Variants in STRIP1 observed in about 807,000 individuals in gnomAD.
STRIP1 encodes the protein striatin-interacting protein 1.
Under a neutral mutation model 106.2 loss-of-function variants are expected in STRIP1, and 63 were observed. The ratio of observed to expected loss-of-function variants is 0.59; its 90% confidence interval spans 0.48 to 0.73. The LOEUF (loss-of-function observed/expected upper bound fraction) is 0.73, where lower values mean the gene tolerates loss of function less well. Among genes scored for constraint, STRIP1 ranks in the 30% least tolerant of loss-of-function variants. STRIP1 has a pLI of 0.00. For missense variants in STRIP1, 857 were observed against 1,074.8 expected, an observed-to-expected ratio of 0.80 and a Z score of 2.83; for synonymous variants, 390 against 413.0, an observed-to-expected ratio of 0.94 and a Z score of 0.67.
intron 15 of STRIP1, 152 bp downstream of exon 15, chr1:110,048,021 A>G: frequency 1.5e-6 from 1 of 660,118 alleles, no homozygotes; most frequent in Admixed American, 2.6e-5. Context: ...ACGAGATTAA[A>G]GAGTTTCACT....
chr1:110,041,660 C>G lies in STRIP1; in HGVS notation c.757+18C>G. ...CGAGCTGGGTAGGACCCTGGGGATC[C>G]TCTCTAGAGGCCCTGCCTGGAAGCT... On this transcript the variant is annotated intron_variant, in intron 7 of 20. Coordinates refer to ENST00000369795, the MANE Select transcript of STRIP1 (RefSeq NM_033088.4). 1 of 1,614,164 alleles carries G rather than the reference C, an allele frequency of 6.2e-7. No homozygotes were observed. Among genetic ancestry groups the G allele is most frequent in the South Asian group, 1.1e-5 (1 of 91,076 alleles).
At chr1:110,046,369 G>A (rs886874702) in intron 12 of STRIP1, among the ~76,000 whole-genome samples, 1 of 152,120 alleles carries the variant, frequency 6.6e-6, no homozygotes. Flanking sequence ...GTGTGGTGGT[G>A]CACACCTGTA....
Position 110,041,857 on chromosome 1 carries a change from T to C in STRIP1, c.881T>C (p.Val294Ala). 6.2e-7 allele frequency: 1 copy of C among 1,614,072 alleles called. No individual in the cohort carries two copies. The highest frequency in any genetic ancestry group is 8.5e-7 in the Non-Finnish European group (1 of 1,179,990). Residue 294 changes from valine (V) to alanine (A), a missense_variant, in exon 8 of 21, where the codon GTA becomes GCA. This residue lies in a region of STRIP1 where 750 missense variants were observed against 989.8 expected (regional missense o/e 0.76). Transcript: ENST00000369795. ...KKVLLLLWKT[V>A]LCTLGGFEEL... The stretch of plus-strand genomic sequence containing the variant: ...GTTCTCTTGCTGCTCTGGAAGACAG[T>C]ATTGGTGAGCACCTCCTTGGAGGAG...
chr1:110,039,798 C>T, intron 5 of STRIP1: 1 of 1,343,938 alleles, frequency 7.4e-7, no homozygotes, highest in Non-Finnish European at 9.8e-7. Flanking sequence ...AGACTCTTCA[C>T]TTTGAGCTCT....
rs909954074 is a variant in STRIP1 at position 110,043,158 on chromosome 1, C to A, written c.956C>A (p.Pro319Gln). The A allele has an allele frequency of 3.7e-6, 6 of 1,614,050 alleles. No individual in the cohort carries two copies. Among genetic ancestry groups the A allele is most frequent in the South Asian group, 2.2e-5 (2 of 91,080 alleles). Reference protein sequence around the residue: ...AEKRSILGLPPLPEDSIKVIR... With the variant: ...AEKRSILGLPQLPEDSIKVIR... ...AAGCGCAGCATCCTGGGCCTCCCCC[C>A]GCTTCCTGAGGACAGCATCAAAGTG... Residue 319 changes from proline (P) to glutamine (Q), a missense_variant, in exon 9 of 21, where the codon CCG becomes CAG. Physicochemically the swap from Pro to Gln is moderately conservative, Grantham distance 76. Coordinates refer to ENST00000369795, the MANE Select transcript of STRIP1 (RefSeq NM_033088.4).
chr1:110,044,493 G>A (rs6688885), intron 10 of STRIP1, among the ~76,000 whole-genome samples: 2,825 of 152,310 alleles, frequency 0.019, 75 homozygotes, highest in African/African-American at 0.051. Context: ...AAAATCAGTA[G>A]CCTATAGCTT....
At chr1:110,049,325 C>T in intron 16 of STRIP1, 87 bp downstream of exon 16, 2 of 1,593,542 alleles carry the variant, frequency 1.3e-6, no homozygotes, top group Non-Finnish European at 1.7e-6. Flanking sequence ...GGGCCTTGGC[C>T]TTTGACCCAC....
chr1:110,035,066 C>T (rs975026209), intron 1 of STRIP1, among the ~76,000 whole-genome samples: 2 of 152,234 alleles, frequency 1.3e-5, no homozygotes, highest in East Asian at 1.9e-4. Context: ...GTTTGCTCCC[C>T]TGGGCCCCGA....
rs755216445 is a variant in STRIP1 at position 110,039,282 on chromosome 1, C to T, written c.436C>T (p.Arg146Ter). The change falls in exon 4 of 21, where the codon CGA becomes TGA. Residue 146 changes from arginine to a stop codon, truncating the protein, a stop_gained. Transcript: ENST00000369795. LOFTEE classifies it high-confidence loss of function. ...CAGGGAGAAGAGACTCAAGGTGGCT[C>T]GAGCAATTCTCTATGTTGCTCAAGG... is the stretch of plus-strand genomic sequence containing the variant. ...TAREKRLKVA[R>*]AILYVAQGTF... The T allele has an allele frequency of 1.2e-6, 2 of 1,614,124 alleles. No individual in the cohort carries two copies. The highest frequency in any genetic ancestry group is 1.7e-6 in the Non-Finnish European group (2 of 1,180,020).
upstream of STRIP1, among the ~76,000 whole-genome samples, chr1:110,034,097 G>C (rs1652313973): frequency 6.6e-6 from 1 of 152,158 alleles, no homozygotes; most frequent in South Asian, 2.1e-4. Context: ...ACACTTTTCA[G>C]CATTTATTTC....
chr1:110,046,088 T>C (rs951203902), intron 12 of STRIP1, among the ~76,000 whole-genome samples: 1 of 152,238 alleles, frequency 6.6e-6, no homozygotes. Flanking sequence ...GATTTTGCTT[T>C]CAGTTTTTCT....
At chr1:110,042,178 A>G (rs1433916891) in intron 8 of STRIP1, among the ~76,000 whole-genome samples, 1 of 152,126 alleles carries the variant, frequency 6.6e-6, no homozygotes, top group Non-Finnish European at 1.5e-5. Context: ...TTGTAAAGGG[A>G]TTTGAGGCAA....
Position 110,040,646 on chromosome 1 carries a change from C to G in STRIP1, c.593C>G (p.Ala198Gly). The G allele has an allele frequency of 1.2e-6, 2 of 1,612,104 alleles. No homozygotes were observed. The highest frequency in any genetic ancestry group is 1.7e-6 in the Non-Finnish European group (2 of 1,179,098). Residue 198 changes from alanine (A) to glycine (G), a missense_variant, in exon 6 of 21, where the codon GCC (alanine) becomes GGC (glycine). Ala to Gly is a moderately conservative substitution (Grantham distance 60, BLOSUM62 0). Transcript: ENST00000369795. The part of the protein sequence containing the change: ...LLNMEIDNSA[A>G]CSSAVRKPAI... ...AAAATCTCCTGCAGCAACAGTGCCG[C>G]CTGCAGCAGTGCTGTGAGGAAGCCT...
intron 20 of STRIP1, among the ~76,000 whole-genome samples, chr1:110,052,795 G>A (rs536619550): frequency 2.6e-5 from 4 of 152,194 alleles, no homozygotes; most frequent in African/African-American, 9.6e-5. Flanking sequence ...TGAACTCCTG[G>A]GTTCAAGCGA....
At chr1:110,049,415 A>G in intron 16 of STRIP1, 45 bp from the exon 17 acceptor site, 1 of 1,546,732 alleles carries the variant, frequency 6.5e-7, no homozygotes, top group Non-Finnish European at 8.8e-7. Context: ...GCAAGGTCCC[A>G]AGGGCCGCGC....
At chr1:110,040,213 G>A (rs973792805) in intron 5 of STRIP1, among the ~76,000 whole-genome samples, 13 of 152,048 alleles carry the variant, frequency 8.5e-5, no homozygotes, top group African/African-American at 2.9e-4. Flanking sequence ...AGAGAGTCTT[G>A]TTCTGTTGCC....
Position 110,054,035 on chromosome 1 carries a change from C to T in STRIP1, c.*123C>T. ...AGGTGGCAGCACAGCCCCACTGTGT[C>T]TTCCGCAGTCTGTCCTGGGCTTGGG... On this transcript the variant is annotated 3_prime_UTR_variant, in exon 21 of 21. Coordinates refer to ENST00000369795, the MANE Select transcript of STRIP1 (RefSeq NM_033088.4). 1.6e-6 allele frequency: 2 copies of T among 1,250,354 alleles called. No homozygotes were observed. The highest frequency in any genetic ancestry group is 2.2e-6 in the Non-Finnish European group (2 of 890,132). 77.5% of individuals were successfully genotyped at this position (1,250,354 alleles called of 1,614,324 possible).
intron 1 of STRIP1, among the ~76,000 whole-genome samples, chr1:110,035,352 G>A (rs975279974): frequency 6.6e-6 from 1 of 152,316 alleles, no homozygotes; most frequent in Non-Finnish European, 1.5e-5. Flanking sequence ...GAGTAGGAGG[G>A]GGAAACATGT....
At position 110,053,939 on chromosome 1, in the gene STRIP1, A is replaced by G; in HGVS notation, c.*27A>G. Reference sequence around the variant, plus strand: ...GCTGTTGGTTAGGGGACTGAAATGGAGAGAAAAGATGATCTGAAGGTACCT... The same window carrying G: ...GCTGTTGGTTAGGGGACTGAAATGGGGAGAAAAGATGATCTGAAGGTACCT... On this transcript the variant is annotated 3_prime_UTR_variant, in exon 21 of 21. Transcript: ENST00000369795. 6.2e-7 allele frequency: 1 copy of G among 1,612,434 alleles called. No individual in the cohort carries two copies. Among genetic ancestry groups the G allele is most frequent in the Non-Finnish European group, 8.5e-7 (1 of 1,179,082 alleles).
Sources: allele counts gnomAD v4.1 joint callset (sites outside exome capture counted in the v4.1 genomes callset), GRCh38; gene constraint gnomAD v4.1.1; regional missense constraint gnomAD v4.1.1; transcripts MANE v1.5; gene names NCBI Gene and HGNC (gene_info 2026-07-23, HGNC 2026-07-21).